The following RAB3C variants were observed in gnomAD, a reference collection of about 807,000 sequenced individuals.
RAB3C encodes ras-related protein Rab-3C.
Under a neutral mutation model 26.4 loss-of-function variants are expected in RAB3C, and 17 were observed. The observed-to-expected ratio is 0.64, with a 90% CI of 0.44 to 0.97. RAB3C has a LOEUF of 0.97. RAB3C is among the 50% of genes least tolerant of loss of function. The probability of loss-of-function intolerance (pLI) is 0.00; values close to 1 mark genes in which losing one functional copy is unlikely to be tolerated. For missense variants in RAB3C, 242 were observed against 281.9 expected, an observed-to-expected ratio of 0.86 and a Z score of 1.01; for synonymous variants, 91 against 95.9, an observed-to-expected ratio of 0.95 and a Z score of 0.30.
chr5:58,831,757 A>C (rs1423365), intron 4 of RAB3C, among the ~76,000 whole-genome samples: 82,555 of 151,872 alleles, frequency 0.54, 22,851 homozygotes, highest in Middle Eastern at 0.72. Flanking sequence ...GACCTTGCTT[A>C]TTTCTCAAAA....
intron 2 of RAB3C, among the ~76,000 whole-genome samples, chr5:58,681,017 A>G (rs1262251377): frequency 6.6e-6 from 1 of 152,172 alleles, no homozygotes; most frequent in African/African-American, 2.4e-5. Flanking sequence ...TTTATTTAAT[A>G]AAATTTTTTT....
intron 2 of RAB3C, among the ~76,000 whole-genome samples, chr5:58,656,995 C>T (rs2111798312): frequency 6.7e-6 from 1 of 148,992 alleles, no homozygotes; most frequent in South Asian, 2.2e-4. Flanking sequence ...AAATGCCCAT[C>T]AAGCAACTAG....
chr5:58,607,343 C>T (rs1014009652), intron 1 of RAB3C, among the ~76,000 whole-genome samples: 2 of 152,018 alleles, frequency 1.3e-5, no homozygotes, highest in African/African-American at 4.8e-5. Context: ...TGAAATAAAG[C>T]AAGAAGACAA....
chr5:58,592,149 T>G (rs572357190), intron 1 of RAB3C, among the ~76,000 whole-genome samples: 4 of 152,272 alleles, frequency 2.6e-5, no homozygotes, highest in Non-Finnish European at 5.9e-5. Flanking sequence ...TCCACCTGCG[T>G]CGGCCTCCTA....
At chr5:58,676,231 G>A (rs1312784789) in intron 2 of RAB3C, among the ~76,000 whole-genome samples, 1 of 152,008 alleles carries the variant, frequency 6.6e-6, no homozygotes, top group Non-Finnish European at 1.5e-5. Context: ...GGGTCGAGCG[G>A]CGTGGCTCAC....
chr5:58,787,884 A>T (rs572454890), intron 3 of RAB3C, among the ~76,000 whole-genome samples: 1 of 151,838 alleles, frequency 6.6e-6, no homozygotes, highest in East Asian at 1.9e-4. Context: ...GGTGCGGAAC[A>T]CTCCCCTCCC....
At position 58,628,019 on chromosome 5, in the gene RAB3C, T is replaced by C. The variant is rs185630702; in HGVS notation, c.252+10149T>C. Among the ~76,000 whole-genome samples, 1,044 of 151,712 alleles carry C rather than the reference T, an allele frequency of 6.9e-3. 4 individuals carry two copies. Among genetic ancestry groups the C allele is most frequent in the African/African-American group, 0.022 (920 of 41,386 alleles). On this transcript the variant is annotated intron_variant, in intron 2 of 4. Transcript: ENST00000282878. ...AAAAATACAAAAAGTTAGCTGGGCG[T>C]GGTGGCAGGCGCCTGTAGTCCCAGC...
At chr5:58,756,820 C>A (rs1327776981) in intron 3 of RAB3C, among the ~76,000 whole-genome samples, 1 of 151,508 alleles carries the variant, frequency 6.6e-6, no homozygotes, top group Non-Finnish European at 1.5e-5. Context: ...ATATTTGCAA[C>A]ATTTTCTTTA....
chr5:58,733,222 T>C (rs1200595084), intron 3 of RAB3C, among the ~76,000 whole-genome samples: 1 of 152,212 alleles, frequency 6.6e-6, no homozygotes, highest in Non-Finnish European at 1.5e-5. Context: ...ATTCATGGAA[T>C]GAGTGAGTAA....
chr5:58,618,723 C>T (rs925106927), intron 2 of RAB3C, among the ~76,000 whole-genome samples: 3 of 152,200 alleles, frequency 2.0e-5, no homozygotes, highest in Non-Finnish European at 2.9e-5. Context: ...TTATGGACAT[C>T]GTAATATGTA....
intron 4 of RAB3C, among the ~76,000 whole-genome samples, chr5:58,846,391 T>A (rs943579545): frequency 1.3e-5 from 2 of 152,062 alleles, no homozygotes; most frequent in Non-Finnish European, 2.9e-5. Context: ...TCAGAAACTT[T>A]TAAGCACTTC....
Position 58,845,612 on chromosome 5 carries a change from A to ATATATATATGTGTGTGTGTG in RAB3C, c.497-5551_497-5550insATATATATGTGTGTGTGTGT. Among the ~76,000 whole-genome samples the ATATATATATGTGTGTGTGTG allele has an allele frequency of 1.1e-3, 92 of 81,682 alleles. 2 individuals carry two copies. Among genetic ancestry groups the ATATATATATGTGTGTGTGTG allele is most frequent in the Middle Eastern group, 0.01 (1 of 98 alleles). The allele number at this position is 81,682 out of a possible 152,430, so 53.6% of individuals were successfully genotyped here. On this transcript the variant is annotated intron_variant, in intron 4 of 4. Coordinates refer to ENST00000282878, the MANE Select transcript of RAB3C (RefSeq NM_138453.4). ...ATTCTTACTATATATATATATATATATGTGTGTGTGTGTGTGTGTATATGT... is the reference window on the plus strand; with the variant it reads ...ATTCTTACTATATATATATATATATATATATATATGTGTGTGTGTGTGTGTGTGTGTGTGTGTGTATATGT...
intron 3 of RAB3C, chr5:58,816,931 T>C (rs1168851613): frequency 6.6e-6 from 1 of 152,214 alleles, no homozygotes; most frequent in Non-Finnish European, 1.5e-5. Context: ...AGAACTCAGC[T>C]GGGTTCCTTG....
chr5:58,611,958 G>A lies in RAB3C; in HGVS notation c.25-5685G>A, dbSNP rs137912747. Among the ~76,000 whole-genome samples the A allele has an allele frequency of 2.7e-3, 417 of 152,170 alleles. 1 individual carries two copies. Among genetic ancestry groups the A allele is most frequent in the African/African-American group, 9.4e-3 (389 of 41,524 alleles). ...TCAATCTTCTGCATACTGCTAGCCC[G>A]TTCTCCCAGCACCATTTATTGAATA... On this transcript the variant is annotated intron_variant, in intron 1 of 4. Coordinates refer to ENST00000282878, the MANE Select transcript of RAB3C (RefSeq NM_138453.4).
At chr5:58,765,905 C>A (rs992384952) in intron 3 of RAB3C, among the ~76,000 whole-genome samples, 1 of 152,042 alleles carries the variant, frequency 6.6e-6, no homozygotes, top group East Asian at 1.9e-4. Flanking sequence ...AGTGAGTTCT[C>A]GTGAGATCTG....
At chr5:58,627,176 A>G (rs1190949217) in intron 2 of RAB3C, among the ~76,000 whole-genome samples, 1 of 152,218 alleles carries the variant, frequency 6.6e-6, no homozygotes, top group Non-Finnish European at 1.5e-5. Flanking sequence ...GGATCCACAG[A>G]GAGCTGTAAT....
At position 58,660,099 on chromosome 5, in the gene RAB3C, CTGGCTTTTCTT is replaced by C. The variant is rs1747870081; in HGVS notation, c.252+42230_252+42240del. ...GGATTACAGGTGTGAGCCACCACACCTGGCTTTTCTTAAATTCCTAATACAGCAATTACCTT... is the reference window on the plus strand; with the variant it reads ...GGATTACAGGTGTGAGCCACCACACCAAATTCCTAATACAGCAATTACCTT... On this transcript the variant is annotated intron_variant, in intron 2 of 4. Coordinates refer to ENST00000282878, the MANE Select transcript of RAB3C (RefSeq NM_138453.4). 9.9e-5 allele frequency among the ~76,000 whole-genome samples: 14 copies of C among 141,034 alleles called. 1 individual carries two copies. The highest frequency in any genetic ancestry group is 3.6e-4 in the African/African-American group (11 of 30,978). The allele number at this position is 141,034 out of a possible 152,430, so 92.5% of individuals were successfully genotyped here.
At chr5:58,643,654 C>T (rs774378246) in intron 2 of RAB3C, among the ~76,000 whole-genome samples, 16 of 151,784 alleles carry the variant, frequency 1.1e-4, no homozygotes, top group African/African-American at 1.9e-4. Context: ...CCAACATGGG[C>T]GATAGAGTGA....
chr5:58,643,647 AC>A (rs1747457166), intron 2 of RAB3C, among the ~76,000 whole-genome samples: 1 of 152,108 alleles, frequency 6.6e-6, no homozygotes, highest in African/African-American at 2.4e-5. Flanking sequence ...CTGCACTCCA[AC>A]ATGGGCGATA....
Sources: gnomAD v4.1 joint callset for allele counts (sites outside exome capture counted in the v4.1 genomes callset) on GRCh38, gnomAD v4.1.1 for gene constraint, MANE v1.5 for transcripts, NCBI Gene and HGNC (gene_info 2026-07-23, HGNC 2026-07-21) for gene names.